MICAL2: variants seen among roughly 807,000 people sequenced by gnomAD.
The protein encoded by MICAL2 is microtubule associated monooxygenase, calponin and LIM domain containing 2.
Under a neutral mutation model 127.3 loss-of-function variants are expected in MICAL2, and 77 were observed. The observed-to-expected ratio is 0.60, with a 90% CI of 0.50 to 0.73. MICAL2 has a LOEUF of 0.73. Among genes scored for constraint, MICAL2 ranks in the 30% least tolerant of loss-of-function variants. The pLI is 0.00. For missense variants in MICAL2, 1,351 were observed against 1,434.4 expected, an observed-to-expected ratio of 0.94 and a Z score of 0.94; for synonymous variants, 570 against 551.1, an observed-to-expected ratio of 1.03 and a Z score of -0.48.
intron 3 of MICAL2, among the ~76,000 whole-genome samples, chr11:12,175,516 T>TG (rs916413436): frequency 2.3e-4 from 35 of 152,050 alleles, no homozygotes; most frequent in African/African-American, 8.2e-4. Flanking sequence ...CTTGTCCTCT[T>TG]GGAGTTTATG....
chr11:12,221,584 T>C (rs1167663409), intron 9 of MICAL2, 60 bp from the exon 10 acceptor site: 1 of 1,219,654 alleles, frequency 8.2e-7, no homozygotes, highest in African/African-American at 1.5e-5. Flanking sequence ...CTGGGTCCAA[T>C]GAGATCATAG....
chr11:12,358,964 G>A (rs1206279723), downstream of MICAL2: 1 of 152,926 alleles, frequency 6.5e-6, no homozygotes, highest in African/African-American at 2.4e-5. Context: ...TTTAAATTGT[G>A]TTTCCAGAGA....
At chr11:12,244,180 G>C (rs982459350) in intron 21 of MICAL2, 68 bp downstream of exon 21, 28 of 1,583,464 alleles carry the variant, frequency 1.8e-5, no homozygotes, top group Middle Eastern at 3.3e-4. Context: ...TGCTCCACTT[G>C]ACCTGCACAA....
At chr11:12,147,145 C>T (rs560736661) in intron 2 of MICAL2, among the ~76,000 whole-genome samples, 134 of 152,078 alleles carry the variant, frequency 8.8e-4, no homozygotes, top group African/African-American at 3.2e-3. Flanking sequence ...ACCAACATGG[C>T]ACATGTATAC....
chr11:12,222,550 G>A (rs1856946365), intron 10 of MICAL2, 67 bp from the exon 11 acceptor site: 37 of 1,603,120 alleles, frequency 2.3e-5, no homozygotes, highest in Non-Finnish European at 2.9e-5. Context: ...GGGAAGTAGG[G>A]AAGGGTGGGG....
chr11:12,321,064 A>G (rs1283400925), intron 30 of MICAL2, among the ~76,000 whole-genome samples: 1 of 152,178 alleles, frequency 6.6e-6, no homozygotes, highest in Non-Finnish European at 1.5e-5. Context: ...CTCATGGAGA[A>G]TAAAAGAATA....
intron 3 of MICAL2, among the ~76,000 whole-genome samples, chr11:12,202,560 A>T (rs1348827412): frequency 6.6e-6 from 1 of 152,064 alleles, no homozygotes. Flanking sequence ...AATTTTAAAG[A>T]CTCTCCTCTG....
intron 2 of MICAL2, among the ~76,000 whole-genome samples, chr11:12,146,815 T>C (rs1225585558): frequency 6.6e-6 from 1 of 152,218 alleles, no homozygotes; most frequent in African/African-American, 2.4e-5. Flanking sequence ...CCAACCCAAA[T>C]GTCCATCAAT....
At chr11:12,337,883 C>T (rs910082972) in intron 32 of MICAL2, among the ~76,000 whole-genome samples, 7 of 152,046 alleles carry the variant, frequency 4.6e-5, no homozygotes, top group Admixed American at 6.6e-5. Flanking sequence ...ACTATGTGGT[C>T]AGTTTTGGAA....
At chr11:12,360,859 T>C (rs1002662149), downstream of MICAL2, among the ~76,000 whole-genome samples, 5 of 152,228 alleles carry the variant, frequency 3.3e-5, no homozygotes, top group Admixed American at 2.0e-4. Context: ...CACTGGCCTT[T>C]CTGTTTCACT....
At chr11:12,122,172 C>T (rs1304988892) in intron 1 of MICAL2, among the ~76,000 whole-genome samples, 1 of 152,198 alleles carries the variant, frequency 6.6e-6, no homozygotes, top group Non-Finnish European at 1.5e-5. Flanking sequence ...GGTTTGTTCT[C>T]TGTAAAATGG....
intron 17 of MICAL2, 31 bp downstream of exon 17, chr11:12,239,616 A>T (rs1859586503): frequency 7.5e-6 from 12 of 1,605,246 alleles, no homozygotes; most frequent in Non-Finnish European, 1.0e-5. Context: ...ACTGGACCTA[A>T]CTTCCTGGTG....
chr11:12,120,719 C>T (rs1444537784), intron 1 of MICAL2, among the ~76,000 whole-genome samples: 2 of 152,188 alleles, frequency 1.3e-5, no homozygotes, highest in Non-Finnish European at 2.9e-5. Flanking sequence ...GTGGTAGAAA[C>T]GTGAGGGCTG....
chr11:12,285,848 A>C (rs1314867983), intron 2 of MICAL2, among the ~76,000 whole-genome samples: 1 of 152,194 alleles, frequency 6.6e-6, no homozygotes, highest in Admixed American at 6.5e-5. Flanking sequence ...TCCTGGATTC[A>C]GACCCTCCCT....
intron 1 of MICAL2, among the ~76,000 whole-genome samples, chr11:12,277,902 GTGTTACTCTAC>G (rs1863737959): frequency 1.3e-5 from 2 of 152,200 alleles, no homozygotes; most frequent in African/African-American, 2.4e-5. Context: ...CCTGCACATT[GTGTTACTCTAC>G]TGAATACTAT....
At chr11:12,152,364 C>T (rs1027742480) in intron 2 of MICAL2, among the ~76,000 whole-genome samples, 2 of 150,694 alleles carry the variant, frequency 1.3e-5, no homozygotes, top group Admixed American at 6.6e-5. Context: ...AGACTACATC[C>T]TGATGTGGTG....
intron 1 of MICAL2, among the ~76,000 whole-genome samples, chr11:12,278,858 AG>A (rs1863745396): frequency 6.6e-6 from 1 of 152,222 alleles, no homozygotes; most frequent in Non-Finnish European, 1.5e-5. Context: ...ACGTTAGTGG[AG>A]AAAGTCAAGA....
chr11:12,242,437 G>A lies in MICAL2; in HGVS notation c.2556+5G>A, dbSNP rs769997598. 6.3e-7 allele frequency: 1 copy of A among 1,596,532 alleles called. No individual in the cohort carries two copies. The highest frequency in any genetic ancestry group is 2.2e-5 in the East Asian group (1 of 44,586). ...GTGGAGGAAAAGATTCTCCAGGTGA[G>A]AGACTCACTTTTTGCCCGTCTCTGT... On this transcript the variant is annotated splice_donor_5th_base_variant and intron_variant, in intron 19 of 27. Transcript: ENST00000683283.
rs1222125986 is a variant in MICAL2 at position 12,240,945 on chromosome 11, CCTCTT to C, written c.2215-86_2215-82del. ...CACTTGCAACCTTCGTCTCCCTGCT[CCTCTT>C]CTCTTCTCCCTCCAAGCCTCTCAAT... On this transcript the variant is annotated intron_variant, in intron 17 of 27. Coordinates refer to ENST00000683283, the MANE Select transcript of MICAL2 (RefSeq NM_001282663.2). 9 of 1,465,558 alleles carry C rather than the reference CCTCTT, an allele frequency of 6.1e-6. No individual in the cohort carries two copies. The East Asian group carries it at 1.1e-4, about 19-fold the overall frequency. 90.8% of individuals were successfully genotyped at this position (1,465,558 alleles called of 1,614,324 possible). A position where few individuals can be genotyped will look rare whatever the true frequency, so the allele number is the denominator to read the frequency against.
Sources: allele counts gnomAD v4.1 joint callset (sites outside exome capture counted in the v4.1 genomes callset), GRCh38; gene constraint gnomAD v4.1.1; transcripts MANE v1.5; gene names NCBI Gene and HGNC (gene_info 2026-07-23, HGNC 2026-07-21).